Variants in MYT1L observed in about 807,000 individuals in gnomAD.
MYT1L encodes myelin transcription factor 1 like, also known as myelin transcription factor 1-like protein.
Under a neutral mutation model 126.7 loss-of-function variants are expected in MYT1L, and 12 were observed. The ratio of observed to expected loss-of-function variants is 0.09; its 90% CI spans 0.06 to 0.15. The LOEUF (loss-of-function observed/expected upper bound fraction) is 0.15. Among genes scored for constraint, MYT1L ranks in the 10% least tolerant of loss-of-function variants. MYT1L has a pLI of 1.00. For missense variants in MYT1L, 979 were observed against 1,585.2 expected, an observed-to-expected ratio of 0.62 and a Z score of 6.49; for synonymous variants, 541 against 604.2, an observed-to-expected ratio of 0.90 and a Z score of 1.53.
chr2:1,979,411 A>C lies in MYT1L; in HGVS notation c.89+110T>G. 1 of 1,196,012 alleles carries C rather than the reference A, an allele frequency of 8.4e-7. No individual in the cohort carries two copies. The highest frequency in any genetic ancestry group is 1.2e-6 in the Non-Finnish European group (1 of 801,110). 74.1% of individuals were successfully genotyped at this position (1,196,012 alleles called of 1,614,324 possible). A position where few individuals can be genotyped will look rare whatever the true frequency, so the allele number is the denominator to read the frequency against. Reference sequence around the variant, plus strand: ...TCGGGGGAATTAATTTCATCAGTGCAGCAGGGCGTGAGCAAGCTGCCGATG... The same window carrying C: ...TCGGGGGAATTAATTTCATCAGTGCCGCAGGGCGTGAGCAAGCTGCCGATG... On this transcript the variant is annotated intron_variant, in intron 7 of 24. Transcript: ENST00000647738. This position sits in a 1 kb window ranked among gnomAD's most constrained non-coding sequence, Gnocchi z 4.0.
intron 4 of MYT1L, among the ~76,000 whole-genome samples, chr2:2,025,326 C>A (rs1376954398): frequency 6.6e-6 from 1 of 152,186 alleles, no homozygotes; most frequent in East Asian, 1.9e-4. Flanking sequence ...GCCTCCTGGT[C>A]TGGGGATACC....
chr2:2,112,715 C>T (rs1213692227), intron 3 of MYT1L, among the ~76,000 whole-genome samples: 1 of 152,214 alleles, frequency 6.6e-6, no homozygotes, highest in Non-Finnish European at 1.5e-5. Flanking sequence ...GAAGAACTAA[C>T]ACCAGGAGCA....
chr2:1,800,957 C>T (rs975191229), intron 23 of MYT1L, among the ~76,000 whole-genome samples: 102 of 152,126 alleles, frequency 6.7e-4, no homozygotes, highest in Admixed American at 9.8e-4. Context: ...ATGTGAGGGT[C>T]GGGTGGTCAG....
At chr2:2,240,665 C>T (rs868765610) in intron 2 of MYT1L, among the ~76,000 whole-genome samples, 7 of 152,146 alleles carry the variant, frequency 4.6e-5, no homozygotes, top group East Asian at 1.9e-4. Context: ...ATTATTTGAA[C>T]GTGACAATTA....
chr2:2,159,363 A>T (rs1170930779), intron 3 of MYT1L, among the ~76,000 whole-genome samples: 1 of 152,064 alleles, frequency 6.6e-6, no homozygotes, highest in South Asian at 2.1e-4. Flanking sequence ...CCTCCTCTCC[A>T]CTGCAAATGC....
chr2:2,079,360 A>C (rs946480983), intron 3 of MYT1L, among the ~76,000 whole-genome samples: 1 of 152,252 alleles, frequency 6.6e-6, no homozygotes, highest in Non-Finnish European at 1.5e-5. Flanking sequence ...AAATAAATGG[A>C]AAGACATGTT....
At chr2:2,236,833 G>A (rs1294744020) in intron 2 of MYT1L, among the ~76,000 whole-genome samples, 1 of 88,906 alleles carries the variant, frequency 1.1e-5, no homozygotes, top group South Asian at 3.5e-4. Flanking sequence ...TTTTTTTTTT[G>A]ATGGAGTTTC....
chr2:2,027,198 C>T (rs549283344), intron 4 of MYT1L, among the ~76,000 whole-genome samples: 8 of 152,108 alleles, frequency 5.3e-5, no homozygotes, highest in African/African-American at 1.4e-4. Context: ...AATCCGGATC[C>T]GGATCTGGAG....
chr2:2,076,249 A>G (rs1453444504), intron 3 of MYT1L, among the ~76,000 whole-genome samples: 1 of 152,208 alleles, frequency 6.6e-6, no homozygotes, highest in Non-Finnish European at 1.5e-5. Context: ...GTGCATGTCC[A>G]GGAAAGACAG....
chr2:2,288,221 G>A (rs544453027), intron 1 of MYT1L, among the ~76,000 whole-genome samples: 1 of 152,264 alleles, frequency 6.6e-6, no homozygotes, highest in East Asian at 1.9e-4. Flanking sequence ...CAGAAATGAG[G>A]CCCTGGGAAG....
chr2:1,931,799 G>A (rs2055033501), intron 9 of MYT1L, among the ~76,000 whole-genome samples: 1 of 151,586 alleles, frequency 6.6e-6, no homozygotes, highest in African/African-American at 2.4e-5. Flanking sequence ...ATCGGCTGCT[G>A]TCTTTTGCTT....
intron 5 of MYT1L, among the ~76,000 whole-genome samples, chr2:1,990,610 A>AGCTCCATGGCCAG (rs2061380022): frequency 1.3e-5 from 2 of 152,264 alleles, no homozygotes; most frequent in African/African-American, 4.8e-5. Flanking sequence ...AAGTTATCTA[A>AGCTCCATGGCCAG]GCTCCATGGC....
chr2:1,980,602 T>A (rs1458287994), intron 5 of MYT1L, among the ~76,000 whole-genome samples: 1 of 152,122 alleles, frequency 6.6e-6, no homozygotes, highest in Non-Finnish European at 1.5e-5. Flanking sequence ...CTTTGTGGGA[T>A]CTTCACAACA....
chr2:2,010,546 T>C (rs1030841317), intron 4 of MYT1L, among the ~76,000 whole-genome samples: 1 of 152,068 alleles, frequency 6.6e-6, no homozygotes, highest in Admixed American at 6.5e-5. Context: ...TTCATTATAT[T>C]GGATCAAGTC....
intron 2 of MYT1L, among the ~76,000 whole-genome samples, chr2:2,221,286 G>A (rs1010821538): frequency 6.6e-6 from 1 of 152,096 alleles, no homozygotes; most frequent in Non-Finnish European, 1.5e-5. Context: ...CCTCTTGGAG[G>A]GCGGACTGGG....
At chr2:2,155,482 T>C (rs745748348) in intron 3 of MYT1L, among the ~76,000 whole-genome samples, 39 of 152,226 alleles carry the variant, frequency 2.6e-4, no homozygotes, top group Admixed American at 1.6e-3. Flanking sequence ...ACCAGAACTA[T>C]GATGTATGTC....
At chr2:1,967,928 C>G (rs894134796) in intron 8 of MYT1L, among the ~76,000 whole-genome samples, 7 of 152,162 alleles carry the variant, frequency 4.6e-5, no homozygotes, top group Non-Finnish European at 8.8e-5. Flanking sequence ...CCTCAGGGAG[C>G]CTGGGAGGAG....
rs1471949128 is a variant in MYT1L, at chr2:1,801,288, G to C, written c.3276+408C>G. 2 of 157,274 alleles carry C rather than the reference G, an allele frequency of 1.3e-5. No homozygotes were observed. Among genetic ancestry groups the C allele is most frequent in the African/African-American group, 4.8e-5 (2 of 41,564 alleles). The allele number at this position is 157,274 out of a possible 1,614,324, so 9.7% of individuals were successfully genotyped here. ...TTCCCCAAATCCCAGACACCCAGGA[G>C]TCCTATGTGGCAGGCACTCCTTGTT... On this transcript the variant is annotated intron_variant, in intron 23 of 24. Coordinates refer to ENST00000647738, the MANE Select transcript of MYT1L (RefSeq NM_001303052.2). The surrounding 1 kb of genome is among the most constrained non-coding windows in gnomAD (Gnocchi z 4.2).
intron 2 of MYT1L, among the ~76,000 whole-genome samples, chr2:2,197,728 AACAC>A (rs946166634): frequency 6.7e-6 from 1 of 149,916 alleles, no homozygotes; most frequent in African/African-American, 2.5e-5. Flanking sequence ...AGATGTATAT[AACAC>A]ACACATATAT....
Sources: gnomAD v4.1 joint callset for allele counts (sites outside exome capture counted in the v4.1 genomes callset) on GRCh38, gnomAD v4.1.1 for gene constraint, Gnocchi (gnomAD v3.1) non-coding constraint, MANE v1.5 for transcripts, NCBI Gene and HGNC (gene_info 2026-07-23, HGNC 2026-07-21) for gene names.